Variants in STAU1 observed in about 807,000 individuals in gnomAD.
STAU1 encodes staufen double-stranded RNA binding protein 1, also known as double-stranded RNA-binding protein Staufen homolog 1.
Under a neutral mutation model 62.9 loss-of-function variants are expected in STAU1, and 13 were observed. That is an observed-to-expected ratio of 0.21 (90% CI 0.13 to 0.33). The LOEUF is 0.33. Among genes scored for constraint, STAU1 ranks in the 10% least tolerant of loss-of-function variants. The pLI, the probability that STAU1 is intolerant of heterozygous loss-of-function variation, is 1.00. For synonymous variants in STAU1, 269 were observed against 265.1 expected, an observed-to-expected ratio of 1.01 and a Z score of -0.14; for missense variants, 571 against 712.1, an observed-to-expected ratio of 0.80 and a Z score of 2.25.
chr20:49,217,657 GT>G, the STAU1 span, among the ~76,000 whole-genome samples: 80 of 135,158 alleles, frequency 5.9e-4, 1 homozygote, highest in South Asian at 0.014. Context: ...AGCCCATCCT[GT>G]TTTTTTTTTC....
chr20:49,125,019 C>T (rs3818262), intron 6 of STAU1, among the ~76,000 whole-genome samples: 54,400 of 138,140 alleles, frequency 0.39, 10,452 homozygotes, highest in Middle Eastern at 0.53. Context: ...CAAAAGAGAA[C>T]GAGACAAATC....
intron 3 of STAU1, among the ~76,000 whole-genome samples, chr20:49,156,497 T>C (rs557025017): frequency 6.0e-4 from 91 of 152,260 alleles, no homozygotes; most frequent in Non-Finnish European, 1.0e-3. Context: ...AGGTACCTGT[T>C]TGGCCCATGC....
rs373830677 is a variant in STAU1, at chr20:49,115,756, G to A, written c.1718+26C>T. On this transcript the variant is annotated intron_variant, in intron 13 of 13. Transcript: ENST00000371856. The stretch of plus-strand genomic sequence containing the variant: ...GAGGGGCAGCCTCCCCATCATCAGC[G>A]CCTTCCCCTTCATCAGTGCACTCAC... 117 of 1,596,078 alleles carry A rather than the reference G, an allele frequency of 7.3e-5. 1 individual carries two copies. In the East Asian group the frequency reaches 9.8e-4, roughly 13 times the overall value.
intron 13 of STAU1, 96 bp downstream of exon 13, chr20:49,115,686 A>G (rs2092303614): frequency 3.6e-6 from 4 of 1,104,304 alleles, no homozygotes; most frequent in South Asian, 1.3e-5. Flanking sequence ...ACTCAGGCAA[A>G]TATTTCCCCG....
intron 10 of STAU1, 64 bp from the exon 11 acceptor site, chr20:49,118,160 C>T: frequency 2.0e-6 from 3 of 1,515,388 alleles, no homozygotes; most frequent in Middle Eastern, 1.7e-4. Context: ...GCAATGACAC[C>T]ATCAAACCCC....
At chr20:49,119,857 T>C in intron 9 of STAU1, 125 bp downstream of exon 9, 1 of 1,187,598 alleles carries the variant, frequency 8.4e-7, no homozygotes, top group Non-Finnish European at 1.2e-6. Flanking sequence ...GAGACACTCC[T>C]CAGCAGGACT....
chr20:49,184,029 A>C (rs2093757958), intron 1 of STAU1, among the ~76,000 whole-genome samples: 1 of 151,494 alleles, frequency 6.6e-6, no homozygotes, highest in Non-Finnish European at 1.5e-5. Flanking sequence ...TCCCAGGTTC[A>C]AGCAACTCTC....
intron 2 of STAU1, among the ~76,000 whole-genome samples, chr20:49,167,976 ACT>A (rs372013430): frequency 1.4e-3 from 215 of 152,072 alleles, no homozygotes; most frequent in Middle Eastern, 0.01. Flanking sequence ...AGAGTTTAAG[ACT>A]CTGAATGAAT....
chr20:49,206,751 A>ATATATATATATATT, the STAU1 span, among the ~76,000 whole-genome samples: 16 of 95,012 alleles, frequency 1.7e-4, no homozygotes, highest in African/African-American at 5.1e-4. Context: ...ATATATATAT[A>ATATATATATATATT]TTTTATTTTA....
chr20:49,157,686 G>A (rs1409759525), intron 3 of STAU1, among the ~76,000 whole-genome samples: 1 of 151,944 alleles, frequency 6.6e-6, no homozygotes, highest in African/African-American at 2.4e-5. Context: ...CACCATGTTG[G>A]CCAGGATGGT....
At chr20:49,125,375 C>T (rs906188799) in intron 6 of STAU1, among the ~76,000 whole-genome samples, 1 of 149,982 alleles carries the variant, frequency 6.7e-6, no homozygotes, top group African/African-American at 2.5e-5. Flanking sequence ...ACTAAAAATA[C>T]AAAAATTAGC....
Position 49,114,602 on chromosome 20 carries a change from C to T in STAU1, c.*276G>A. 4.7e-6 allele frequency: 2 copies of T among 428,870 alleles called. No individual in the cohort carries two copies. The highest frequency in any genetic ancestry group is 5.2e-5 in the South Asian group (1 of 19,074). The allele number at this position is 428,870 out of a possible 1,614,324, so 26.6% of individuals were successfully genotyped here. A position where few individuals can be genotyped will look rare whatever the true frequency, so the allele number is the denominator to read the frequency against. On this transcript the variant is annotated 3_prime_UTR_variant, in exon 14 of 14. Transcript: ENST00000371856. ...TGGATCTGCTGGTGTCCCGGGAGAA[C>T]CAGCTGGCTGGGCAGCCCTTCTTCC...
chr20:49,124,270 C>T, intron 7 of STAU1, 105 bp downstream of exon 7: 6 of 1,177,726 alleles, frequency 5.1e-6, no homozygotes, highest in South Asian at 2.9e-5. Flanking sequence ...GGGTGTGGCA[C>T]GTTGGTCTCA....
intron 2 of STAU1, among the ~76,000 whole-genome samples, chr20:49,166,558 T>C (rs6125577): frequency 0.38 from 57,676 of 151,994 alleles, 11,079 homozygotes; most frequent in Middle Eastern, 0.49. Flanking sequence ...ATAATATTTA[T>C]TGGTGAGTAT....
upstream of STAU1, among the ~76,000 whole-genome samples, chr20:49,189,262 A>G (rs1207086643): frequency 7.0e-6 from 1 of 143,280 alleles, no homozygotes; most frequent in Non-Finnish European, 1.5e-5. Context: ...CCAGATTACT[A>G]TTTATTTCAC....
In STAU1 at chr20:49,117,965, T is replaced by C. The variant is rs2092370188; in HGVS notation, c.1321A>G (p.Arg441Gly). The C allele has an allele frequency of 6.2e-7, 1 of 1,614,192 alleles. No homozygotes were observed. The highest frequency in any genetic ancestry group is 2.2e-5 in the East Asian group (1 of 44,888). Residue 441 changes from arginine (R) to glycine (G), a missense_variant, in exon 11 of 14, where the codon AGG becomes GGG. By Grantham distance (125) the Arg-to-Gly change is moderately radical. Coordinates refer to ENST00000371856, the MANE Select transcript of STAU1 (RefSeq NM_017453.4). The surrounding 1 kb of genome is among the most constrained non-coding windows in gnomAD (Gnocchi z 4.6). ...GCCTTGGCAGGATTCGGAGCTGCCC[T>C]GGTAAAATCTTTGGTGTGATGTCCT... is the stretch of plus-strand genomic sequence containing the variant. ...SQGHHTKDFT[R>G]AAPNPAKATV... is the part of the protein sequence containing the mutation.
the STAU1 span, among the ~76,000 whole-genome samples, chr20:49,195,925 G>GAAAAAAAAAAAAAAAAAAA: frequency 1.1e-5 from 1 of 93,722 alleles, no homozygotes; most frequent in African/African-American, 3.6e-5. Context: ...AAAGAAAAAA[G>GAAAAAAAAAAAAAAAAAAA]AAAAAAAAAA....
chr20:49,204,592 TTA>T, the STAU1 span, among the ~76,000 whole-genome samples: 926 of 45,306 alleles, frequency 0.02, 40 homozygotes, highest in African/African-American at 0.061. Flanking sequence ...GGATTTTACA[TTA>T]TATATATATA....
At chr20:49,120,426 T>C (rs894468862) in intron 8 of STAU1, among the ~76,000 whole-genome samples, 2 of 152,226 alleles carry the variant, frequency 1.3e-5, no homozygotes, top group Non-Finnish European at 2.9e-5. Flanking sequence ...GCCCAGCTAT[T>C]GCATTTGTAC....
Sources: gnomAD v4.1 joint callset for allele counts (sites outside exome capture counted in the v4.1 genomes callset) on GRCh38, gnomAD v4.1.1 for gene constraint, Gnocchi (gnomAD v3.1) non-coding constraint, MANE v1.5 for transcripts, NCBI Gene and HGNC (gene_info 2026-07-23, HGNC 2026-07-21) for gene names.